Variants in BCR observed in about 807,000 individuals in gnomAD.
The protein encoded by BCR is BCR activator of RhoGEF and GTPase.
Under a neutral mutation model 138.6 loss-of-function variants are expected in BCR, and 58 were observed. The ratio of observed to expected loss-of-function variants is 0.42; its 90% CI spans 0.34 to 0.52. The LOEUF (loss-of-function observed/expected upper bound fraction) is 0.52, where lower values mean the gene tolerates loss of function less well. Ranked by LOEUF, BCR falls within the 20% of genes least tolerant of loss-of-function variation. The pLI is 0.06. For synonymous variants in BCR, 786 were observed against 730.1 expected, an observed-to-expected ratio of 1.08 and a Z score of -1.23; for missense variants, 1,599 against 1,727.2, an observed-to-expected ratio of 0.93 and a Z score of 1.32.
At chr22:23,278,200 C>T (rs771167564) in intron 8 of BCR, among the ~76,000 whole-genome samples, 10 of 152,216 alleles carry the variant, frequency 6.6e-5, no homozygotes, top group Non-Finnish European at 1.2e-4. Context: ...GCATAGCGGA[C>T]GATCCAGTTT....
intron 1 of BCR, among the ~76,000 whole-genome samples, chr22:23,223,506 T>C (rs2072853048): frequency 6.6e-6 from 1 of 152,154 alleles, no homozygotes; most frequent in Non-Finnish European, 1.5e-5. Flanking sequence ...AATGAGAGCA[T>C]ATCCAAAGCC....
intron 8 of BCR, among the ~76,000 whole-genome samples, chr22:23,282,227 C>G (rs1329193867): frequency 6.6e-6 from 1 of 152,242 alleles, no homozygotes; most frequent in African/African-American, 2.4e-5. Flanking sequence ...TTGGGTTACC[C>G]GGCTTCAGCG....
At position 23,283,693 on chromosome 22, in the gene BCR, C is replaced by G. The variant is rs1324222956; in HGVS notation, c.2116-284C>G. The stretch of plus-strand genomic sequence containing the variant: ...TCAGACCCACACCCATTACCTCCCC[C>G]TCTCCCCCATCCTCCCACCCTCTTC... On this transcript the variant is annotated intron_variant, in intron 8 of 22. Coordinates refer to ENST00000305877, the MANE Select transcript of BCR (RefSeq NM_004327.4). 9 of 365,296 alleles carry G rather than the reference C, an allele frequency of 2.5e-5. 1 individual carries two copies. The South Asian group carries it at 3.0e-4, about 12-fold the overall frequency. 22.6% of individuals were successfully genotyped at this position (365,296 alleles called of 1,614,324 possible).
chr22:23,268,074 C>A (rs980599613), intron 4 of BCR, among the ~76,000 whole-genome samples: 2 of 152,206 alleles, frequency 1.3e-5, no homozygotes, highest in Non-Finnish European at 2.9e-5. Context: ...AGACACTTGT[C>A]CAGATTCACT....
intron 1 of BCR, chr22:23,198,195 C>A: frequency 2.6e-6 from 1 of 391,610 alleles, no homozygotes. Flanking sequence ...AATTGGACCA[C>A]AGTGTCCAGC....
At position 23,315,459 on chromosome 22, in the gene BCR, G is replaced by A. The variant is rs1384733756; in HGVS notation, c.3753G>A (p.Gln1251=). Residue 1251 remains glutamine, a synonymous_variant, in exon 23 of 23, where the codon CAG becomes CAA. Transcript: ENST00000305877. ...TCCAGGTGCTGCTGTACTTCCTGCA[G>A]CTGGAGGCCATCCCTGCCCCGGACA... The part of the protein sequence containing the change: ...SQVQVLLYFL[Q]LEAIPAPDSK... 1 of 1,613,332 alleles carries A rather than the reference G, an allele frequency of 6.2e-7. No individual in the cohort carries two copies. The highest frequency in any genetic ancestry group is 1.3e-5 in the African/African-American group (1 of 74,918).
chr22:23,195,433 A>AAT (rs1405109188), intron 1 of BCR, among the ~76,000 whole-genome samples: 1 of 151,448 alleles, frequency 6.6e-6, no homozygotes. Flanking sequence ...AAAAAAAAAA[A>AAT]AAAAAAATAT....
At chr22:23,277,189 A>G (rs2073587814) in intron 8 of BCR, among the ~76,000 whole-genome samples, 2 of 152,226 alleles carry the variant, frequency 1.3e-5, no homozygotes, top group Non-Finnish European at 2.9e-5. Flanking sequence ...CAAGTTCCCA[A>G]AGGGAGAAAG....
intron 4 of BCR, chr22:23,263,543 C>T: frequency 6.4e-7 from 1 of 1,574,628 alleles, no homozygotes; most frequent in South Asian, 1.1e-5. Context: ...TCCTGGCCTA[C>T]CAGTTCCGTC....
Position 23,268,458 on chromosome 22 carries a change from C to T in BCR, c.1803C>T (p.Ala601=). 1 of 1,613,950 alleles carries T rather than the reference C, an allele frequency of 6.2e-7. No individual in the cohort carries two copies. ...YRAFVDNYGV[A]MEMAEKCCQA... ...CCTTCGTGGACAACTACGGAGTTGC[C>T]ATGGAAATGGCTGAGAAGTGCTGTC... The change falls in exon 5 of 23, where the codon GCC becomes GCT. Residue 601 remains alanine, a synonymous_variant. Transcript: ENST00000305877.
Position 23,295,052 on chromosome 22 carries a change from A to G in BCR, c.2909A>G (p.Gln970Arg). Reference sequence around the variant, plus strand: ...TTTGAGATAGAGCTGGAGGGCTCCCAGACCCTGAGGATACTGTGCTATGAA... The same window carrying G: ...TTTGAGATAGAGCTGGAGGGCTCCCGGACCCTGAGGATACTGTGCTATGAA... ...EEFEIELEGS[Q>R]TLRILCYEKC... The change falls in exon 16 of 23, where the codon CAG (glutamine) becomes CGG (arginine). Residue 970 changes from glutamine (Q) to arginine (R), a missense_variant. This residue lies in a region of BCR where 590 missense variants were observed against 762.4 expected (regional missense o/e 0.77). Transcript: ENST00000305877. 1 of 1,614,142 alleles carries G rather than the reference A, an allele frequency of 6.2e-7. No homozygotes were observed. Among genetic ancestry groups the G allele is most frequent in the Non-Finnish European group, 8.5e-7 (1 of 1,180,004 alleles).
chr22:23,181,122 C>A lies in BCR; in HGVS notation c.162C>A (p.Phe54Leu). The change falls in exon 1 of 23, where the codon TTC becomes TTA. Residue 54 changes from phenylalanine (F) to leucine (L), a missense_variant. Physicochemically the swap from Phe to Leu is conservative, Grantham distance 22. Around this residue, in one of 4 missense-constraint regions of BCR, gnomAD observed 806 missense variants for 635.0 expected, o/e 1.27. Transcript: ENST00000305877. ...RLEQEVNQER[F>L]RMIYLQTLLA... ...AGCAGGAGGTGAACCAGGAGCGCTT[C>A]CGCATGATCTACCTGCAGACGTTGC... is the stretch of plus-strand genomic sequence containing the variant. 6.7e-7 allele frequency: 1 copy of A among 1,498,620 alleles called. No homozygotes were observed. The highest frequency in any genetic ancestry group is 9.0e-7 in the Non-Finnish European group (1 of 1,116,030). 92.8% of individuals were successfully genotyped at this position (1,498,620 alleles called of 1,614,324 possible). A position where few individuals can be genotyped will look rare whatever the true frequency, so the allele number is the denominator to read the frequency against.
intron 15 of BCR, among the ~76,000 whole-genome samples, chr22:23,294,597 G>A (rs1444262376): frequency 6.6e-6 from 1 of 152,134 alleles, no homozygotes; most frequent in East Asian, 1.9e-4. Flanking sequence ...ATGGGGTTTC[G>A]CCATGTTGGC....
intron 8 of BCR, among the ~76,000 whole-genome samples, chr22:23,282,060 G>A (rs112291011): frequency 0.02 from 3,118 of 152,286 alleles, 105 homozygotes; most frequent in African/African-American, 0.072. Flanking sequence ...ATCCAGCCCC[G>A]CCACTGCCCC....
intron 19 of BCR, 193 bp downstream of exon 19, chr22:23,312,029 A>G: frequency 5.3e-6 from 6 of 1,121,864 alleles, no homozygotes; most frequent in Non-Finnish European, 7.4e-6. Context: ...TTTTTAAACC[A>G]TCCTAGCCAT....
At chr22:23,246,433 A>G (rs1365639093) in intron 1 of BCR, among the ~76,000 whole-genome samples, 1 of 152,174 alleles carries the variant, frequency 6.6e-6, no homozygotes, top group Non-Finnish European at 1.5e-5. Context: ...CCTCTTGTGA[A>G]TAATGCTTCT....
In BCR at chr22:23,317,952, GC is replaced by G. The variant is rs2074090562; in HGVS notation, c.*2431del. The stretch of plus-strand genomic sequence containing the variant: ...CAGCCTGGCTTTCTCTTGGTAAGTG[GC>G]TGGTGTCTTAGCAGCTGCAATCTGA... On this transcript the variant is annotated 3_prime_UTR_variant, in exon 23 of 23. Transcript: ENST00000305877. The G allele has an allele frequency of 6.6e-6, 1 of 151,038 alleles. No homozygotes were observed. Among genetic ancestry groups the G allele is most frequent in the Admixed American group, 7.6e-5 (1 of 13,142 alleles). 9.4% of individuals were successfully genotyped at this position (151,038 alleles called of 1,614,324 possible).
intron 1 of BCR, among the ~76,000 whole-genome samples, chr22:23,248,087 T>G (rs375495213): frequency 2.0e-5 from 3 of 152,204 alleles, no homozygotes; most frequent in Non-Finnish European, 4.4e-5. Context: ...CTCACGCTTG[T>G]AATCCCAGCA....
intron 14 of BCR, chr22:23,290,763 T>C (rs975186248): frequency 3.1e-6 from 1 of 318,408 alleles, no homozygotes; most frequent in South Asian, 3.5e-5. Flanking sequence ...CTGTCAGCAG[T>C]GCACCTTCAC....
Sources: allele counts gnomAD v4.1 joint callset (sites outside exome capture counted in the v4.1 genomes callset), GRCh38; gene constraint gnomAD v4.1.1; regional missense constraint gnomAD v4.1.1; transcripts MANE v1.5; gene names NCBI Gene and HGNC (gene_info 2026-07-23, HGNC 2026-07-21).